Variants in CHRM3 observed in about 807,000 individuals in gnomAD.
CHRM3 encodes the protein cholinergic receptor muscarinic 3, also known as muscarinic acetylcholine receptor M3.
Under a neutral mutation model 41.8 loss-of-function variants are expected in CHRM3, and 11 were observed. The ratio of observed to expected loss-of-function variants is 0.26; its 90% CI spans 0.17 to 0.44. The LOEUF is 0.44. Among genes scored for constraint, CHRM3 ranks in the 20% least tolerant of loss-of-function variants. The pLI, the probability that CHRM3 is intolerant of heterozygous loss-of-function variation, is 1.00. For synonymous variants in CHRM3, 297 were observed against 301.4 expected, an observed-to-expected ratio of 0.99 and a Z score of 0.15; for missense variants, 571 against 745.4, an observed-to-expected ratio of 0.77 and a Z score of 2.72.
rs1659474461 is a variant in CHRM3, at chr1:239,689,259, C to T, written c.-147+10971C>T. The stretch of plus-strand genomic sequence containing the variant: ...GAAAAATATAGGATGAGATTTTTCT[C>T]AGTTTACTTTTTTTTCAGAGAAGGA... On this transcript the variant is annotated intron_variant, in intron 5 of 6. Coordinates refer to ENST00000676153, the MANE Select transcript of CHRM3 (RefSeq NM_001375978.1). Among the ~76,000 whole-genome samples, 3 of 151,842 alleles carry T rather than the reference C, an allele frequency of 2.0e-5. No individual in the cohort carries two copies. The South Asian group carries it at 6.2e-4, about 32-fold the overall frequency.
chr1:239,493,000 C>T (rs1480403910), intron 2 of CHRM3, among the ~76,000 whole-genome samples, 193 bp downstream of exon 2: 4 of 152,142 alleles, frequency 2.6e-5, no homozygotes, highest in African/African-American at 9.7e-5. Context: ...ATTGCAAGTT[C>T]CTCCATTTAC....
chr1:239,751,564 TA>T (rs544676652), intron 5 of CHRM3, among the ~76,000 whole-genome samples: 1 of 152,218 alleles, frequency 6.6e-6, no homozygotes, highest in Non-Finnish European at 1.5e-5. Context: ...TGCTTTTTAT[TA>T]AGATGCTTTT....
intron 5 of CHRM3, among the ~76,000 whole-genome samples, chr1:239,745,538 G>A (rs1392771551): frequency 6.6e-6 from 1 of 151,754 alleles, no homozygotes; most frequent in East Asian, 2.0e-4. Flanking sequence ...TACATGTGCA[G>A]AGCGTGCAGG....
At chr1:239,404,410 A>AAGAAAG (rs1210507333) in intron 1 of CHRM3, among the ~76,000 whole-genome samples, 15 of 51,756 alleles carry the variant, frequency 2.9e-4, no homozygotes, top group African/African-American at 7.7e-4. Flanking sequence ...GAAAGAAAGA[A>AAGAAAG]AAAGAAAGAA....
In CHRM3 at chr1:239,492,823, C is replaced by T. The variant is rs1344357075; in HGVS notation, c.-422+16C>T. 1 of 152,252 alleles carries T rather than the reference C, an allele frequency of 6.6e-6. No homozygotes were observed. The highest frequency in any genetic ancestry group is 6.5e-5 in the Admixed American group (1 of 15,280). 9.4% of individuals were successfully genotyped at this position (152,252 alleles called of 1,614,324 possible). ...CTGCTACAAGGTAAGTGAAATCGATCTCCGTCTACCCATTCTCCAGGCCAA... is the reference window on the plus strand; with the variant it reads ...CTGCTACAAGGTAAGTGAAATCGATTTCCGTCTACCCATTCTCCAGGCCAA... On this transcript the variant is annotated intron_variant, in intron 2 of 6. Transcript: ENST00000676153.
intron 1 of CHRM3, among the ~76,000 whole-genome samples, chr1:239,455,981 G>A (rs1477946053): frequency 6.6e-6 from 1 of 152,158 alleles, no homozygotes; most frequent in Non-Finnish European, 1.5e-5. Context: ...TGGGAGGTCA[G>A]CCTCAAATCT....
At chr1:239,533,392 G>C (rs1394956159) in intron 2 of CHRM3, among the ~76,000 whole-genome samples, 1 of 152,026 alleles carries the variant, frequency 6.6e-6, no homozygotes, top group Non-Finnish European at 1.5e-5. Flanking sequence ...GAGAAGAAAG[G>C]CACCTTCTTC....
At chr1:239,746,454 C>T (rs1341632945) in intron 5 of CHRM3, among the ~76,000 whole-genome samples, 1 of 152,124 alleles carries the variant, frequency 6.6e-6, no homozygotes, top group African/African-American at 2.4e-5. Context: ...TTGTTATTTC[C>T]ATTTTACCTC....
At chr1:239,461,827 G>T (rs1295669571) in intron 1 of CHRM3, among the ~76,000 whole-genome samples, 1 of 151,738 alleles carries the variant, frequency 6.6e-6, no homozygotes, top group Non-Finnish European at 1.5e-5. Context: ...CTCCTCTGGG[G>T]ACATGTTGGT....
intron 5 of CHRM3, among the ~76,000 whole-genome samples, chr1:239,750,546 A>G (rs1665724895): frequency 6.6e-6 from 1 of 152,172 alleles, no homozygotes; most frequent in Non-Finnish European, 1.5e-5. Flanking sequence ...AGTTTGGCCT[A>G]CAGGTTTCTC....
intron 2 of CHRM3, among the ~76,000 whole-genome samples, chr1:239,499,079 T>C (rs910927052): frequency 6.6e-6 from 1 of 152,166 alleles, no homozygotes; most frequent in Non-Finnish European, 1.5e-5. Flanking sequence ...CATTCAAGGC[T>C]GGTATCTTTC....
At chr1:239,796,345 A>G (rs563551334) in intron 5 of CHRM3, among the ~76,000 whole-genome samples, 10 of 152,230 alleles carry the variant, frequency 6.6e-5, no homozygotes, top group South Asian at 6.2e-4. Flanking sequence ...CTGTAAATCA[A>G]TGGGGACAGA....
rs529112572 is a variant in CHRM3 at position 239,642,084 on chromosome 1, A to C, written c.-250+9798A>C. Reference sequence around the variant, plus strand: ...AAAATTCTTTTCTTTAAGAATGTTGAATATTGGCCCCCACTCTCTTCTGGC... The same window carrying C: ...AAAATTCTTTTCTTTAAGAATGTTGCATATTGGCCCCCACTCTCTTCTGGC... On this transcript the variant is annotated intron_variant, in intron 4 of 6. Coordinates refer to ENST00000676153, the MANE Select transcript of CHRM3 (RefSeq NM_001375978.1). Among the ~76,000 whole-genome samples, 14 of 127,470 alleles carry C rather than the reference A, an allele frequency of 1.1e-4. 2 individuals carry two copies. In the East Asian group the frequency reaches 1.6e-3, roughly 15 times the overall value. The allele number at this position is 127,470 out of a possible 152,430, so 83.6% of individuals were successfully genotyped here.
chr1:239,544,965 C>T (rs1243169608), intron 2 of CHRM3, among the ~76,000 whole-genome samples: 1 of 152,150 alleles, frequency 6.6e-6, no homozygotes, highest in Non-Finnish European at 1.5e-5. Context: ...TGCCTTACTC[C>T]CCTGAGTCTT....
intron 1 of CHRM3, among the ~76,000 whole-genome samples, chr1:239,393,035 C>T (rs1181913065): frequency 6.6e-6 from 1 of 152,128 alleles, no homozygotes; most frequent in Non-Finnish European, 1.5e-5. Context: ...TGGCATACAC[C>T]TGTAGTCCCA....
chr1:239,887,915 C>A (rs1415810570), intron 6 of CHRM3, among the ~76,000 whole-genome samples: 4 of 152,130 alleles, frequency 2.6e-5, no homozygotes, highest in Non-Finnish European at 5.9e-5. Flanking sequence ...GTATAAGCTT[C>A]AGTTTCCACA....
chr1:239,441,399 T>C (rs74149063), intron 1 of CHRM3, among the ~76,000 whole-genome samples: 6,816 of 152,322 alleles, frequency 0.045, 493 homozygotes, highest in African/African-American at 0.15. Flanking sequence ...TAATATCTTT[T>C]GTCCCTATAA....
At chr1:239,677,057 C>A (rs929100012) in intron 4 of CHRM3, among the ~76,000 whole-genome samples, 1 of 152,082 alleles carries the variant, frequency 6.6e-6, no homozygotes, top group Non-Finnish European at 1.5e-5. Flanking sequence ...CTTTTGTCTG[C>A]CCATCACTCT....
rs141381361 is a variant in CHRM3, at chr1:239,517,129, G to A, written c.-422+24322G>A. Among the ~76,000 whole-genome samples the A allele has an allele frequency of 4.0e-3, 611 of 152,218 alleles. 4 individuals are homozygous for A. The highest frequency in any genetic ancestry group is 0.014 in the African/African-American group (596 of 41,532). ...TCCTGAAACCACCATCCTCCTGCCC[G>A]GTCCATAGAAAAATTGTCTTCCATG... On this transcript the variant is annotated intron_variant, in intron 2 of 6. Transcript: ENST00000676153.
Sources: allele counts gnomAD v4.1 joint callset (sites outside exome capture counted in the v4.1 genomes callset), GRCh38; gene constraint gnomAD v4.1.1; transcripts MANE v1.5; gene names NCBI Gene and HGNC (gene_info 2026-07-23, HGNC 2026-07-21).